AFF3: variants seen among roughly 807,000 people sequenced by gnomAD.
The protein encoded by AFF3 is ALF transcription elongation factor 3.
A neutral mutation model predicts 129.7 loss-of-function variants in AFF3; 32 were observed. The ratio of observed to expected loss-of-function variants is 0.25; its 90% CI spans 0.19 to 0.33. AFF3 has a LOEUF of 0.33. Among genes scored for constraint, AFF3 ranks in the 10% least tolerant of loss-of-function variants. AFF3 has a pLI of 1.00. For missense variants in AFF3, 1,373 were observed against 1,592.0 expected, an observed-to-expected ratio of 0.86 and a Z score of 2.34; for synonymous variants, 644 against 635.4, an observed-to-expected ratio of 1.01 and a Z score of -0.20.
chr2:100,117,752 C>A (rs143879443), intron 2 of AFF3, among the ~76,000 whole-genome samples: 1 of 152,256 alleles, frequency 6.6e-6, no homozygotes, highest in Non-Finnish European at 1.5e-5. Flanking sequence ...TATTTTTCTC[C>A]AGAGAGCATG....
chr2:100,023,068 T>TCCACTGGACTTCAGAGA (rs1327202652), intron 4 of AFF3, among the ~76,000 whole-genome samples: 1 of 152,182 alleles, frequency 6.6e-6, no homozygotes, highest in African/African-American at 2.4e-5. Context: ...GGGGTCTCCA[T>TCCACTGGACTTCAGAGA]CCACTGGACT....
At chr2:99,553,261 C>G (rs1674576884) in intron 24 of AFF3, among the ~76,000 whole-genome samples, 1 of 152,198 alleles carries the variant, frequency 6.6e-6, no homozygotes, top group Admixed American at 6.5e-5. Context: ...GCAAGCTCCT[C>G]CTGGTGGCTT....
chr2:99,586,065 C>T (rs937686305), intron 16 of AFF3, among the ~76,000 whole-genome samples: 1 of 152,228 alleles, frequency 6.6e-6, no homozygotes, highest in Non-Finnish European at 1.5e-5. Flanking sequence ...TGCAGTTGTG[C>T]ATACATACGG....
At chr2:100,113,540 G>A (rs1032932882) in intron 2 of AFF3, among the ~76,000 whole-genome samples, 7 of 152,192 alleles carry the variant, frequency 4.6e-5, no homozygotes, top group African/African-American at 1.4e-4. Context: ...TGCATTCCAA[G>A]TCAAGAACTG....
intron 11 of AFF3, among the ~76,000 whole-genome samples, chr2:99,690,908 G>C (rs926595400): frequency 6.6e-6 from 1 of 151,876 alleles, no homozygotes; most frequent in Non-Finnish European, 1.5e-5. Context: ...GAAAGGAGAT[G>C]GGGACGGATA....
intron 7 of AFF3, among the ~76,000 whole-genome samples, chr2:99,857,852 C>A (rs1558920635): frequency 6.6e-6 from 1 of 152,290 alleles, no homozygotes; most frequent in East Asian, 1.9e-4. Context: ...AATTCAAGAT[C>A]TCATTAATGA....
chr2:99,809,008 G>A (rs1270816655), intron 8 of AFF3, among the ~76,000 whole-genome samples: 2 of 152,216 alleles, frequency 1.3e-5, no homozygotes, highest in African/African-American at 4.8e-5. Context: ...CTGGGCAGGA[G>A]AATTTAACAG....
chr2:99,674,072 A>C (rs142658305), intron 11 of AFF3, among the ~76,000 whole-genome samples: 2 of 152,342 alleles, frequency 1.3e-5, no homozygotes, highest in African/African-American at 4.8e-5. Flanking sequence ...TTTTTAGGGT[A>C]CTATTTAAGG....
intron 7 of AFF3, among the ~76,000 whole-genome samples, chr2:99,916,450 G>A (rs760347106): frequency 5.3e-5 from 8 of 152,074 alleles, no homozygotes; most frequent in Non-Finnish European, 8.8e-5. Flanking sequence ...TGCCATGTCC[G>A]CAACACCTAA....
intron 1 of AFF3, among the ~76,000 whole-genome samples, chr2:100,133,887 C>G (rs1440839297): frequency 6.6e-6 from 1 of 151,850 alleles, no homozygotes; most frequent in Non-Finnish European, 1.5e-5. Context: ...GAGCTGAGAT[C>G]GCGCCACTGC....
At chr2:100,053,880 A>T (rs984908365) in intron 4 of AFF3, among the ~76,000 whole-genome samples, 6 of 152,178 alleles carry the variant, frequency 3.9e-5, no homozygotes, top group Admixed American at 2.6e-4. Context: ...GGAAGAGCTC[A>T]CAATCCAAGT....
chr2:99,593,721 C>T lies in AFF3; in HGVS notation c.1940G>A (p.Cys647Tyr), dbSNP rs1389347489. 1 of 1,611,152 alleles carries T rather than the reference C, an allele frequency of 6.2e-7. No individual in the cohort carries two copies. The highest frequency in any genetic ancestry group is 8.5e-7 in the Non-Finnish European group (1 of 1,178,558). ...TAGCCCCCGCGTGCGGCGCTTCTCG[C>T]AGGTCACGGAGGAGCGCAGCTCCTT... ...HRKELRSSVT[C>Y]EKRRTRGLSR... Residue 647 changes from cysteine (C) to tyrosine (Y), a missense_variant, in exon 15 of 25, where the codon TGC (cysteine) becomes TAC (tyrosine). Transcript: ENST00000672756.
chr2:99,979,014 G>T, intron 7 of AFF3, among the ~76,000 whole-genome samples: 2 of 126,466 alleles, frequency 1.6e-5, no homozygotes, highest in African/African-American at 2.6e-5. Flanking sequence ...GACTACATGG[G>T]CTCTTCAACT....
intron 8 of AFF3, among the ~76,000 whole-genome samples, chr2:99,752,520 T>C (rs1362321114): frequency 6.6e-6 from 1 of 152,190 alleles, no homozygotes; most frequent in Non-Finnish European, 1.5e-5. Flanking sequence ...CCATGCTCCC[T>C]TTATACCTTA....
chr2:99,593,973 G>A lies in AFF3; in HGVS notation c.1688C>T (p.Pro563Leu), dbSNP rs779550981. Residue 563 changes from proline to leucine, a missense_variant, in exon 15 of 25, where the codon CCG becomes CTG. Coordinates refer to ENST00000672756, the MANE Select transcript of AFF3 (RefSeq NM_001386135.1). ...GGGCGCACAGGGCACTGCGGGTGGC[G>A]GGGCGGCTGCGCTCACCGCCACGGC... The part of the protein sequence containing the change: ...AVAVAVSAAA[P>L]PPAVPCAPAE... 5.4e-6 allele frequency: 8 copies of A among 1,489,024 alleles called. No homozygotes were observed. The highest frequency in any genetic ancestry group is 4.6e-5 in the Admixed American group (2 of 43,344). The allele number at this position is 1,489,024 out of a possible 1,614,324, so 92.2% of individuals were successfully genotyped here.
chr2:100,117,017 C>T (rs573399371), intron 2 of AFF3, among the ~76,000 whole-genome samples: 15 of 152,110 alleles, frequency 9.9e-5, no homozygotes, highest in South Asian at 4.2e-4. Flanking sequence ...ACTGTTGTTC[C>T]GATGAAAATA....
intron 10 of AFF3, among the ~76,000 whole-genome samples, chr2:99,738,497 C>G (rs970125838): frequency 6.6e-6 from 1 of 152,028 alleles, no homozygotes; most frequent in Non-Finnish European, 1.5e-5. Flanking sequence ...AATTTCAAAT[C>G]TTTCTAAGGA....
intron 7 of AFF3, among the ~76,000 whole-genome samples, chr2:99,965,638 A>T (rs1677669552): frequency 6.6e-6 from 1 of 152,220 alleles, no homozygotes; most frequent in Non-Finnish European, 1.5e-5. Context: ...GAATAAATTG[A>T]CATTCTGGTT....
chr2:99,628,002 C>T (rs1682763247), intron 13 of AFF3, among the ~76,000 whole-genome samples: 1 of 152,064 alleles, frequency 6.6e-6, no homozygotes, highest in South Asian at 2.1e-4. Flanking sequence ...AGTACGATGC[C>T]TCCAGCTTTT....
Sources: gnomAD v4.1 joint callset for allele counts (sites outside exome capture counted in the v4.1 genomes callset) on GRCh38, gnomAD v4.1.1 for gene constraint, MANE v1.5 for transcripts, NCBI Gene and HGNC (gene_info 2026-07-23, HGNC 2026-07-21) for gene names.